Variants in ARHGEF6 observed in about 807,000 individuals in gnomAD.
ARHGEF6 encodes the protein Rac/Cdc42 guanine nucleotide exchange factor 6, also known as rho guanine nucleotide exchange factor 6.
In ARHGEF6, 9 loss-of-function variants were observed where a neutral mutation model predicts 70.3. That is an observed-to-expected ratio of 0.13 (90% CI 0.08 to 0.22). The LOEUF (loss-of-function observed/expected upper bound fraction) is 0.22. ARHGEF6 is among the 10% of genes least tolerant of loss of function. The pLI is 1.00. For missense variants in ARHGEF6, 470 were observed against 563.0 expected (o/e 0.83, Z 1.67); for synonymous variants, 201 against 207.8 (o/e 0.97, Z 0.28).
intron 19 of ARHGEF6, 81 bp from the exon 20 acceptor site, chrX:136,672,200 A>G: frequency 1.3e-6 from 1 of 752,000 alleles, no homozygotes; most frequent in East Asian, 3.2e-5. Flanking sequence ...GTTCTTTTCC[A>G]CTATTGTTAC....
At chrX:136,750,810 T>C (rs1327216657) in intron 2 of ARHGEF6, among the ~76,000 whole-genome samples, 1 of 108,930 alleles carries the variant, frequency 9.2e-6, no homozygotes, top group African/African-American at 3.4e-5. Context: ...CAAACTTTTT[T>C]TTTTTTTTTT....
chrX:136,776,246 A>T (rs2077403741), intron 2 of ARHGEF6, among the ~76,000 whole-genome samples: 2 of 111,980 alleles, frequency 1.8e-5, no homozygotes, highest in African/African-American at 6.5e-5. Flanking sequence ...AAGATTAAAC[A>T]AAAAGAACAA....
Position 136,743,632 on chromosome X carries a change from C to G in ARHGEF6, c.614G>C (p.Arg205Thr). ...GGWWEGTLNG[R>T]TGWFPSNYVR... is the part of the protein sequence containing the mutation. ...ATAATTACTGGGGAACCAGCCTGTTCTCCCATTTAATGTGCCTTCCCACCA... is the reference window on the plus strand; with the variant it reads ...ATAATTACTGGGGAACCAGCCTGTTGTCCCATTTAATGTGCCTTCCCACCA... Residue 205 changes from arginine (R) to threonine (T), a missense_variant, in exon 5 of 22, where the codon AGA becomes ACA. Transcript: ENST00000250617. The G allele has an allele frequency of 8.3e-7, 1 of 1,211,995 alleles. No homozygotes were observed. Among genetic ancestry groups the G allele is most frequent in the Non-Finnish European group, 1.1e-6 (1 of 895,450 alleles).
chrX:136,728,974 A>T (rs1375919210), intron 6 of ARHGEF6, among the ~76,000 whole-genome samples: 1 of 100,861 alleles, frequency 9.9e-6, no homozygotes, highest in Non-Finnish European at 2.0e-5. Flanking sequence ...CAGCCTCCAT[A>T]GTCACATGTG....
intron 9 of ARHGEF6, among the ~76,000 whole-genome samples, chrX:136,695,889 C>T (rs2076504498): frequency 8.9e-6 from 1 of 111,766 alleles, no homozygotes; most frequent in South Asian, 3.7e-4. Flanking sequence ...ATAGTGGGTA[C>T]GTGGATGTAC....
intron 2 of ARHGEF6, among the ~76,000 whole-genome samples, chrX:136,772,886 A>C (rs927159872): frequency 2.7e-5 from 3 of 111,738 alleles, no homozygotes; most frequent in Admixed American, 9.5e-5. Context: ...ACAACAACAA[A>C]AAAAATTGTG....
intron 2 of ARHGEF6, chrX:136,768,336 C>T (rs982041066): frequency 8.9e-6 from 1 of 112,673 alleles, no homozygotes; most frequent in African/African-American, 3.2e-5. Context: ...TAGCCAGACT[C>T]ATGGGTGACA....
intron 2 of ARHGEF6, among the ~76,000 whole-genome samples, chrX:136,770,224 T>C (rs1429055015): frequency 2.7e-5 from 3 of 112,505 alleles, no homozygotes; most frequent in Non-Finnish European, 5.6e-5. Context: ...CTACTGGGTT[T>C]TATCCCAGGA....
intron 2 of ARHGEF6, 116 bp downstream of exon 2, chrX:136,779,298 C>A: frequency 1.5e-6 from 1 of 672,176 alleles, no homozygotes; most frequent in Non-Finnish European, 2.4e-6. Flanking sequence ...AGTCTGCTAC[C>A]TCTGTTTAAC....
chrX:136,745,028 G>A (rs940721774), intron 4 of ARHGEF6, among the ~76,000 whole-genome samples, 195 bp downstream of exon 4: 1 of 111,607 alleles, frequency 9.0e-6, no homozygotes, highest in Admixed American at 9.5e-5. Flanking sequence ...GCTTCAATCC[G>A]GATTTTTGCC....
At chrX:136,686,709 C>CACATATATATATACAT (rs2076404317) in intron 11 of ARHGEF6, among the ~76,000 whole-genome samples, 3 of 63,141 alleles carry the variant, frequency 4.8e-5, no homozygotes, top group African/African-American at 1.2e-4. Context: ...TATATATATA[C>CACATATATATATACAT]ATATATATAT....
chrX:136,679,775 G>T, intron 15 of ARHGEF6, 115 bp from the exon 16 acceptor site: 1 of 978,445 alleles, frequency 1.0e-6, no homozygotes, highest in Non-Finnish European at 1.4e-6. Context: ...CATAGAAAGG[G>T]ATAGATGGAA....
At chrX:136,680,636 A>T (rs1217569864) in intron 15 of ARHGEF6, 95 bp downstream of exon 15, 4 of 1,012,770 alleles carry the variant, frequency 3.9e-6, no homozygotes, top group African/African-American at 1.9e-5. Flanking sequence ...TGCCCAAAAG[A>T]CTAAGGGTGT....
chrX:136,698,287 A>G (rs2076532373), intron 9 of ARHGEF6, among the ~76,000 whole-genome samples: 1 of 111,527 alleles, frequency 9.0e-6, no homozygotes, highest in African/African-American at 3.3e-5. Flanking sequence ...TTTAAGCAAA[A>G]GAACATATAC....
intron 5 of ARHGEF6, among the ~76,000 whole-genome samples, chrX:136,740,298 C>T (rs1021043626): frequency 3.6e-5 from 4 of 111,346 alleles, no homozygotes; most frequent in African/African-American, 1.3e-4. Context: ...CATGAGCCAC[C>T]GTGCCCGGCC....
In ARHGEF6 at chrX:136,724,119, G is replaced by A. The variant is rs551770148; in HGVS notation, c.732+7983C>T. 5.1e-4 allele frequency among the ~76,000 whole-genome samples: 52 copies of A among 101,151 alleles called. No individual in the cohort carries two copies. In the South Asian group the frequency reaches 0.021, roughly 41 times the overall value. The allele number at this position is 101,151 out of a possible 115,157, so 87.8% of individuals were successfully genotyped here. A position where few individuals can be genotyped will look rare whatever the true frequency, so the allele number is the denominator to read the frequency against. ...TTTTTAGACGGAGTCTCACTCTGTC[G>A]CCCAAACTGGAGTGCAGTGGCACAA... On this transcript the variant is annotated intron_variant, in intron 6 of 21. Transcript: ENST00000250617.
chrX:136,762,824 T>C (rs992465184), intron 2 of ARHGEF6, among the ~76,000 whole-genome samples: 6 of 111,795 alleles, frequency 5.4e-5, no homozygotes, highest in African/African-American at 1.3e-4. Flanking sequence ...GTATTACTAC[T>C]ACCTCCTAGG....
intron 11 of ARHGEF6, among the ~76,000 whole-genome samples, chrX:136,687,613 A>G (rs60092758): frequency 0.084 from 9,328 of 111,621 alleles, 749 homozygotes; most frequent in African/African-American, 0.25. Context: ...AGTTACACAG[A>G]CTCGTCATTA....
At position 136,760,068 on chromosome X, in the gene ARHGEF6, T is replaced by C. The variant is rs766740184; in HGVS notation, c.250-12476A>G. Among the ~76,000 whole-genome samples the C allele has an allele frequency of 4.5e-5, 5 of 112,225 alleles. No homozygotes were observed. In the South Asian group the frequency reaches 1.8e-3, roughly 41 times the overall value. On this transcript the variant is annotated intron_variant, in intron 2 of 21. Transcript: ENST00000250617. ...CTAATCGGACAGATATCTAGTGTCATAGGTCTTTCTTCCAGCTGACAGCAG... is the reference window on the plus strand; with the variant it reads ...CTAATCGGACAGATATCTAGTGTCACAGGTCTTTCTTCCAGCTGACAGCAG...
Sources: gnomAD v4.1 joint callset for allele counts (sites outside exome capture counted in the v4.1 genomes callset) on GRCh38, gnomAD v4.1.1 for gene constraint, MANE v1.5 for transcripts, NCBI Gene and HGNC (gene_info 2026-07-23, HGNC 2026-07-21) for gene names.